The following GUCY1B1 variants were observed in gnomAD, a reference collection of about 807,000 sequenced individuals.
GUCY1B1 encodes the protein guanylate cyclase 1 soluble subunit beta 1.
GUCY1B1 carries 43 observed loss-of-function variants against 71.0 expected under a neutral mutation model. That is an observed-to-expected ratio of 0.61 (90% CI 0.47 to 0.78). The LOEUF (loss-of-function observed/expected upper bound fraction) is 0.78, where lower values mean the gene tolerates loss of function less well. Among genes scored for constraint, GUCY1B1 ranks in the 30% least tolerant of loss-of-function variants. The pLI is 0.00. For synonymous variants in GUCY1B1, 266 were observed against 259.7 expected, an observed-to-expected ratio of 1.02 and a Z score of -0.23; for missense variants, 535 against 754.1, an observed-to-expected ratio of 0.71 and a Z score of 3.40.
At chr4:155,766,431 CTT>C (rs1561001031) in intron 2 of GUCY1B1, among the ~76,000 whole-genome samples, 1 of 152,106 alleles carries the variant, frequency 6.6e-6, no homozygotes, top group African/African-American at 2.4e-5. Flanking sequence ...TAGGCACCCT[CTT>C]TTTTTGTAGT....
intron 2 of GUCY1B1, among the ~76,000 whole-genome samples, chr4:155,774,301 G>A (rs552861170): frequency 7.9e-5 from 12 of 152,194 alleles, no homozygotes; most frequent in African/African-American, 2.4e-4. Flanking sequence ...CCCCAGGCAT[G>A]CTCCTGCCTT....
chr4:155,798,850 T>C (rs1739746573), intron 8 of GUCY1B1, among the ~76,000 whole-genome samples: 1 of 152,066 alleles, frequency 6.6e-6, no homozygotes, highest in Non-Finnish European at 1.5e-5. Flanking sequence ...GTTGTTGTTG[T>C]TGTTTGAGAT....
At chr4:155,766,601 A>C (rs1369198430) in intron 2 of GUCY1B1, among the ~76,000 whole-genome samples, 1 of 148,508 alleles carries the variant, frequency 6.7e-6, no homozygotes, top group South Asian at 2.2e-4. Context: ...ATAGCAATAC[A>C]TAATAGCAAT....
At chr4:155,781,134 A>C (rs1448024471) in intron 4 of GUCY1B1, among the ~76,000 whole-genome samples, 1 of 152,224 alleles carries the variant, frequency 6.6e-6, no homozygotes, top group Non-Finnish European at 1.5e-5. Flanking sequence ...AAATAATGAA[A>C]GAAAATTTCT....
chr4:155,773,874 A>G (rs943529436), intron 2 of GUCY1B1, among the ~76,000 whole-genome samples: 4 of 152,160 alleles, frequency 2.6e-5, no homozygotes, highest in Non-Finnish European at 4.4e-5. Flanking sequence ...TTTTTAGCAG[A>G]GAGACGGTTT....
In GUCY1B1 at chr4:155,790,684, A is replaced by G. The variant is rs539807859; in HGVS notation, c.495+773A>G. Among the ~76,000 whole-genome samples the G allele has an allele frequency of 5.9e-5, 9 of 152,326 alleles. No individual in the cohort carries two copies. The East Asian group carries it at 1.7e-3, about 29-fold the overall frequency. On this transcript the variant is annotated intron_variant, in intron 5 of 13. Coordinates refer to ENST00000264424, the MANE Select transcript of GUCY1B1 (RefSeq NM_000857.5). Reference sequence around the variant, plus strand: ...TCCAACCTTTCTTTGTTTATAGAAAACCTATTAGACAGTTCTTTCTTATAG... The same window carrying G: ...TCCAACCTTTCTTTGTTTATAGAAAGCCTATTAGACAGTTCTTTCTTATAG...
chr4:155,777,049 A>G (rs1160694668), intron 3 of GUCY1B1, among the ~76,000 whole-genome samples: 1 of 152,206 alleles, frequency 6.6e-6, no homozygotes, highest in Non-Finnish European at 1.5e-5. Context: ...TCGAAACATA[A>G]AATTCACTTA....
chr4:155,766,820 C>T (rs752713442), intron 2 of GUCY1B1, among the ~76,000 whole-genome samples: 11 of 152,178 alleles, frequency 7.2e-5, no homozygotes, highest in Non-Finnish European at 1.3e-4. Flanking sequence ...GACTGTAACT[C>T]AGTGTTTAGA....
At chr4:155,785,229 A>G in intron 4 of GUCY1B1, 1 of 888,540 alleles carries the variant, frequency 1.1e-6, no homozygotes, top group Non-Finnish European at 1.8e-6. Context: ...CCTACTCTCT[A>G]TATTTTTCCT....
chr4:155,759,609 G>T, intron 1 of GUCY1B1, 178 bp from the exon 2 acceptor site: 1 of 551,500 alleles, frequency 1.8e-6, no homozygotes, highest in Non-Finnish European at 3.2e-6. Context: ...CCAGGGATTG[G>T]GGGGTTGCGC....
chr4:155,782,876 C>A lies in GUCY1B1; in HGVS notation c.297+5234C>A, dbSNP rs575457366. 3.9e-5 allele frequency among the ~76,000 whole-genome samples: 6 copies of A among 152,240 alleles called. No individual in the cohort carries two copies. In the East Asian group the frequency reaches 1.2e-3, roughly 29 times the overall value. On this transcript the variant is annotated intron_variant, in intron 4 of 13. Coordinates refer to ENST00000264424, the MANE Select transcript of GUCY1B1 (RefSeq NM_000857.5). ...AGGCCACGTGTAGACTGGCAGATAG[C>A]AGTTCTAGCTGGGCTCTCAGCAAAG...
Position 155,772,316 on chromosome 4 carries a change from T to G in GUCY1B1, c.78-2652T>G, listed in dbSNP as rs557813713. On this transcript the variant is annotated intron_variant, in intron 2 of 13. Coordinates refer to ENST00000264424, the MANE Select transcript of GUCY1B1 (RefSeq NM_000857.5). The stretch of plus-strand genomic sequence containing the variant: ...GGAATATGTATAGTACTTTAACTGC[T>G]TAGAATATACTTTTGTACACTTTAT... 2.0e-5 allele frequency among the ~76,000 whole-genome samples: 3 copies of G among 152,372 alleles called. No homozygotes were observed. In the South Asian group the frequency reaches 6.2e-4, roughly 32 times the overall value.
chr4:155,786,142 A>C (rs1273888902), intron 4 of GUCY1B1, among the ~76,000 whole-genome samples: 1 of 151,986 alleles, frequency 6.6e-6, no homozygotes, highest in Non-Finnish European at 1.5e-5. Flanking sequence ...ATGTTTTAAT[A>C]ATCCAGTAAA....
rs575845472 is a variant in GUCY1B1 at position 155,776,353 on chromosome 4, G to A, written c.179-1171G>A. Reference sequence around the variant, plus strand: ...GAAAAAAAGCCTACATTTTCAATAAGAAGGGATTGGTTAAATAAATTATTG... The same window carrying A: ...GAAAAAAAGCCTACATTTTCAATAAAAAGGGATTGGTTAAATAAATTATTG... On this transcript the variant is annotated intron_variant, in intron 3 of 13. Coordinates refer to ENST00000264424, the MANE Select transcript of GUCY1B1 (RefSeq NM_000857.5). Among the ~76,000 whole-genome samples, 18 of 152,198 alleles carry A rather than the reference G, an allele frequency of 1.2e-4. No homozygotes were observed. In the South Asian group the frequency reaches 3.5e-3, roughly 30 times the overall value.
rs115832141 is a variant in GUCY1B1 at position 155,803,851 on chromosome 4, G to T, written c.1554+87G>T. On this transcript the variant is annotated intron_variant, in intron 11 of 13. Transcript: ENST00000264424. ...TATCGTTGTCCGGAAAATCATTAAC[G>T]TGTATAAAGAAGGGCATCTTGACAA... 1.4e-5 allele frequency: 12 copies of T among 867,760 alleles called. No homozygotes were observed. The South Asian group carries it at 1.7e-4, about 13-fold the overall frequency. 53.8% of individuals were successfully genotyped at this position (867,760 alleles called of 1,614,324 possible). A position where few individuals can be genotyped will look rare whatever the true frequency, so the allele number is the denominator to read the frequency against.
intron 7 of GUCY1B1, 109 bp from the exon 8 acceptor site, chr4:155,796,268 C>A: frequency 1.0e-6 from 1 of 1,003,798 alleles, no homozygotes; most frequent in Non-Finnish European, 1.5e-6. Context: ...TAATGATGCA[C>A]TTATTCTGCT....
chr4:155,771,848 G>A (rs1737713598), intron 2 of GUCY1B1, among the ~76,000 whole-genome samples: 1 of 152,232 alleles, frequency 6.6e-6, no homozygotes, highest in Non-Finnish European at 1.5e-5. Context: ...CCATGGTATA[G>A]AAGTATAATT....
Position 155,806,446 on chromosome 4 carries a change from G to T in GUCY1B1, c.*37G>T, listed in dbSNP as rs1275801653. On this transcript the variant is annotated 3_prime_UTR_variant, in exon 14 of 14. Coordinates refer to ENST00000264424, the MANE Select transcript of GUCY1B1 (RefSeq NM_000857.5). ...TGGGGTGAAGAGGAGTACAGACTAG[G>T]TTCCAGTTTTCTCCTAACACGTGCC... 6.5e-7 allele frequency: 1 copy of T among 1,528,592 alleles called. No individual in the cohort carries two copies. The highest frequency in any genetic ancestry group is 2.3e-5 in the East Asian group (1 of 44,390). The allele number at this position is 1,528,592 out of a possible 1,614,324, so 94.7% of individuals were successfully genotyped here. A position where few individuals can be genotyped will look rare whatever the true frequency, so the allele number is the denominator to read the frequency against.
At chr4:155,759,930 T>G in intron 2 of GUCY1B1, 70 bp downstream of exon 2, 1 of 1,145,944 alleles carries the variant, frequency 8.7e-7, no homozygotes, top group Non-Finnish European at 1.3e-6. Context: ...GCGCCTCGCC[T>G]GGTCCTCAGC....
Sources: gnomAD v4.1 joint callset for allele counts (sites outside exome capture counted in the v4.1 genomes callset) on GRCh38, gnomAD v4.1.1 for gene constraint, MANE v1.5 for transcripts, NCBI Gene and HGNC (gene_info 2026-07-23, HGNC 2026-07-21) for gene names.